Variants in HIBADH observed in about 807,000 individuals in gnomAD.
HIBADH encodes the protein 3-hydroxyisobutyrate dehydrogenase.
HIBADH carries 25 observed loss-of-function variants against 36.1 expected under a neutral mutation model. That is an observed-to-expected ratio of 0.69 (90% CI 0.50 to 0.97). The LOEUF is 0.97. Ranked by LOEUF, HIBADH falls within the 50% of genes least tolerant of loss-of-function variation. HIBADH has a pLI of 0.00. For synonymous variants in HIBADH, 160 were observed against 149.5 expected (o/e 1.07, Z -0.51); for missense variants, 421 against 418.0 (o/e 1.01, Z -0.06).
chr7:27,591,443 C>T (rs564240582), intron 4 of HIBADH, among the ~76,000 whole-genome samples: 22 of 151,870 alleles, frequency 1.4e-4, no homozygotes, highest in Admixed American at 1.2e-3. Context: ...CCCAGCTACT[C>T]GGGAGGCTGA....
intron 4 of HIBADH, among the ~76,000 whole-genome samples, chr7:27,585,055 T>C (rs1327583248): frequency 6.6e-6 from 1 of 152,066 alleles, no homozygotes; most frequent in African/African-American, 2.4e-5. Context: ...AATTACTTGG[T>C]AAATTATATA....
chr7:27,619,772 T>G (rs564685996), intron 4 of HIBADH, among the ~76,000 whole-genome samples: 1 of 151,940 alleles, frequency 6.6e-6, no homozygotes, highest in East Asian at 1.9e-4. Context: ...CAGACAAAAA[T>G]AAAGAATTAA....
rs753848362 is a variant in HIBADH at position 27,531,192 on chromosome 7, C to G, written c.852G>C (p.Lys284Asn). Reference sequence around the variant, plus strand: ...TCTTGGGTGTCTACATTTACCATACCTTAGCCATGAGTGTTGTTCCAAATC... The same window carrying G: ...TCTTGGGTGTCTACATTTACCATACGTTAGCCATGAGTGTTGTTCCAAATC... The part of the protein sequence containing the change: ...QGGFGTTLMA[K>N]DLGLAQDSAT... The change falls in exon 7 of 8, where the codon AAG (lysine) becomes AAC (asparagine). Residue 284 changes from lysine to asparagine, a missense_variant and splice_region_variant. Physicochemically the swap from Lys to Asn is moderately conservative, Grantham distance 94. Transcript: ENST00000265395. The G allele has an allele frequency of 1.9e-6, 3 of 1,611,756 alleles. No individual in the cohort carries two copies. The highest frequency in any genetic ancestry group is 2.2e-5 in the South Asian group (2 of 90,624).
intron 4 of HIBADH, among the ~76,000 whole-genome samples, chr7:27,559,507 C>G (rs1373799211): frequency 6.6e-6 from 1 of 152,000 alleles, no homozygotes; most frequent in Non-Finnish European, 1.5e-5. Flanking sequence ...TGGCCCAAAC[C>G]TACAGTCCCA....
intron 4 of HIBADH, among the ~76,000 whole-genome samples, chr7:27,560,827 A>C (rs1308132681): frequency 6.6e-6 from 1 of 152,196 alleles, no homozygotes; most frequent in Non-Finnish European, 1.5e-5. Context: ...CCCAGAAGTA[A>C]AATTGCTGGA....
chr7:27,626,369 C>T (rs572420948), intron 4 of HIBADH, among the ~76,000 whole-genome samples: 1 of 152,272 alleles, frequency 6.6e-6, no homozygotes, highest in South Asian at 2.1e-4. Context: ...TAAAGTGGTT[C>T]TTCACATTGG....
intron 2 of HIBADH, among the ~76,000 whole-genome samples, chr7:27,634,085 T>C (rs17683094): frequency 0.1 from 15,811 of 152,254 alleles, 983 homozygotes; most frequent in Middle Eastern, 0.14. Flanking sequence ...TAAATGTAGC[T>C]TTAACAAAAA....
intron 1 of HIBADH, 106 bp downstream of exon 1, chr7:27,662,592 C>A: frequency 4.5e-6 from 3 of 660,320 alleles, no homozygotes; most frequent in Non-Finnish European, 6.7e-6. Flanking sequence ...TTTTTAAGCC[C>A]CAGCCCAACC....
Position 27,576,299 on chromosome 7 carries a change from T to C in HIBADH, c.485-33199A>G, listed in dbSNP as rs140112467. Among the ~76,000 whole-genome samples, 831 of 152,364 alleles carry C rather than the reference T, an allele frequency of 5.5e-3. 2 individuals carry two copies. The highest frequency in any genetic ancestry group is 0.011 in the South Asian group (53 of 4,830). On this transcript the variant is annotated intron_variant, in intron 4 of 7. Coordinates refer to ENST00000265395, the MANE Select transcript of HIBADH (RefSeq NM_152740.4). Reference sequence around the variant, plus strand: ...AAGGTTAATTATGTCTCATAATTAGTAATTAAGATTATATAACAAAGCCTT... The same window carrying C: ...AAGGTTAATTATGTCTCATAATTAGCAATTAAGATTATATAACAAAGCCTT...
At chr7:27,660,037 C>T (rs1786384954) in intron 1 of HIBADH, among the ~76,000 whole-genome samples, 1 of 152,168 alleles carries the variant, frequency 6.6e-6, no homozygotes, top group Non-Finnish European at 1.5e-5. Flanking sequence ...GCCTGGACAA[C>T]ACGGGGAGAC....
intron 2 of HIBADH, among the ~76,000 whole-genome samples, chr7:27,642,162 A>C (rs1373276418): frequency 6.6e-6 from 1 of 152,200 alleles, no homozygotes; most frequent in Non-Finnish European, 1.5e-5. Context: ...AGGAAAACCC[A>C]GTAACTGAGT....
Position 27,645,367 on chromosome 7 carries a change from G to GTTGTTT in HIBADH, c.252+4105_252+4106insAAACAA, listed in dbSNP as rs1375743758. Among the ~76,000 whole-genome samples the GTTGTTT allele has an allele frequency of 1.2e-4, 4 of 32,082 alleles. 1 individual carries two copies. Among genetic ancestry groups the GTTGTTT allele is most frequent in the Admixed American group, 1.0e-3 (3 of 2,880 alleles). The allele number at this position is 32,082 out of a possible 152,430, so 21.0% of individuals were successfully genotyped here. A position where few individuals can be genotyped will look rare whatever the true frequency, so the allele number is the denominator to read the frequency against. On this transcript the variant is annotated intron_variant, in intron 2 of 7. Transcript: ENST00000265395. ...TCTAGTGGGTGTGTCTCATGGTTTT[G>GTTGTTT]ATTTTTTTTTTTTTTTTTTTTTTTT...
chr7:27,639,224 G>C (rs1052612191), intron 2 of HIBADH, among the ~76,000 whole-genome samples: 3 of 152,156 alleles, frequency 2.0e-5, no homozygotes, highest in African/African-American at 7.2e-5. Flanking sequence ...TAAAGAAAAT[G>C]TGGTACATAT....
At chr7:27,582,054 T>C (rs1009252) in intron 4 of HIBADH, among the ~76,000 whole-genome samples, 115,239 of 152,060 alleles carry the variant, frequency 0.76, 44,097 homozygotes, top group East Asian at 0.94. Context: ...CCAAAAAGAC[T>C]TCATGCTTTG....
intron 4 of HIBADH, among the ~76,000 whole-genome samples, chr7:27,604,436 T>C (rs1785184838): frequency 6.6e-6 from 1 of 152,048 alleles, no homozygotes; most frequent in Admixed American, 6.6e-5. Flanking sequence ...GATTTTTTTT[T>C]TTTTAATGTT....
At chr7:27,596,104 C>A (rs1254561086) in intron 4 of HIBADH, among the ~76,000 whole-genome samples, 1 of 152,154 alleles carries the variant, frequency 6.6e-6, no homozygotes, top group Non-Finnish European at 1.5e-5. Flanking sequence ...GTATTTCTCA[C>A]ATTTCTGAGA....
chr7:27,577,021 T>C (rs1784720299), intron 4 of HIBADH, among the ~76,000 whole-genome samples: 1 of 152,202 alleles, frequency 6.6e-6, no homozygotes, highest in Non-Finnish European at 1.5e-5. Context: ...CTAAGGTTTA[T>C]CTTAAAAGGC....
chr7:27,608,518 A>G (rs933224357), intron 4 of HIBADH, among the ~76,000 whole-genome samples: 1 of 152,100 alleles, frequency 6.6e-6, no homozygotes, highest in African/African-American at 2.4e-5. Flanking sequence ...CTTCTTGAAA[A>G]CTTCAAATAA....
chr7:27,569,962 T>G (rs1234303340), intron 4 of HIBADH, among the ~76,000 whole-genome samples: 2 of 152,172 alleles, frequency 1.3e-5, no homozygotes, highest in Non-Finnish European at 2.9e-5. Context: ...CCACTTTCTC[T>G]GTCTCATAGA....
Sources: allele counts gnomAD v4.1 joint callset (sites outside exome capture counted in the v4.1 genomes callset), GRCh38; gene constraint gnomAD v4.1.1; transcripts MANE v1.5; gene names NCBI Gene and HGNC (gene_info 2026-07-23, HGNC 2026-07-21).